ZBTB16: variants seen among roughly 807,000 people sequenced by gnomAD.
ZBTB16 encodes zinc finger and BTB domain-containing protein 16.
Under a neutral mutation model 56.8 loss-of-function variants are expected in ZBTB16, and 8 were observed. The ratio of observed to expected loss-of-function variants is 0.14; its 90% CI spans 0.08 to 0.25. The LOEUF is 0.25. ZBTB16 is among the 10% of genes least tolerant of loss of function. ZBTB16 has a pLI of 1.00. For missense variants in ZBTB16, 625 were observed against 903.0 expected (o/e 0.69, Z 3.95); for synonymous variants, 363 against 368.5 (o/e 0.98, Z 0.17).
intron 2 of ZBTB16, among the ~76,000 whole-genome samples, chr11:114,087,520 C>T (rs1044872267): frequency 3.9e-5 from 6 of 152,192 alleles, no homozygotes; most frequent in African/African-American, 1.4e-4. Flanking sequence ...CAGACTTTGG[C>T]ATCATCTGTG....
rs999795520 is a variant in ZBTB16, at chr11:114,252,020, G to T, written c.*1465G>T. 6.6e-6 allele frequency among the ~76,000 whole-genome samples: 1 copy of T among 152,086 alleles called. No homozygotes were observed. The highest frequency in any genetic ancestry group is 6.5e-5 in the Admixed American group (1 of 15,274). Reference sequence around the variant, plus strand: ...ACTTCAGCTGGTCAAGACCCTCCCCGTGCCCCTGGAGACCAGCCTCCCAGC... The same window carrying T: ...ACTTCAGCTGGTCAAGACCCTCCCCTTGCCCCTGGAGACCAGCCTCCCAGC... On this transcript the variant is annotated 3_prime_UTR_variant, in exon 7 of 7. Transcript: ENST00000335953.
chr11:114,136,019 G>GCGGTGTGGAATCT (rs1188766779), intron 2 of ZBTB16, among the ~76,000 whole-genome samples: 6 of 152,118 alleles, frequency 3.9e-5, no homozygotes, highest in African/African-American at 1.4e-4. Flanking sequence ...AGTTCCCTTT[G>GCGGTGTGGAATCT]CGGTGTGGAA....
At position 114,200,022 on chromosome 11, in the gene ZBTB16, G is replaced by A. The variant is rs185778010; in HGVS notation, c.1453+12984G>A. Reference sequence around the variant, plus strand: ...GGGCACCTGTAGTCCCAGCTACTTGGGAGGCTGAGGCAGGAGAATGGTGTG... The same window carrying A: ...GGGCACCTGTAGTCCCAGCTACTTGAGAGGCTGAGGCAGGAGAATGGTGTG... On this transcript the variant is annotated intron_variant, in intron 4 of 6. Coordinates refer to ENST00000335953, the MANE Select transcript of ZBTB16 (RefSeq NM_006006.6). 9.3e-3 allele frequency among the ~76,000 whole-genome samples: 1,417 copies of A among 152,028 alleles called. 14 individuals carry two copies. The highest frequency in any genetic ancestry group is 0.032 in the African/African-American group (1,341 of 41,444).
rs546177569 is a variant in ZBTB16 at position 114,113,071 on chromosome 11, A to G, written c.1269-43266A>G. 1.8e-4 allele frequency among the ~76,000 whole-genome samples: 27 copies of G among 152,224 alleles called. No individual in the cohort carries two copies. In the South Asian group the frequency reaches 2.1e-3, roughly 12 times the overall value. ...ATTACATGCATGAGCCGCTGCACCC[A>G]GCCCACACACTTCATTTTTATTCTC... On this transcript the variant is annotated intron_variant, in intron 2 of 6. Transcript: ENST00000335953.
chr11:114,187,183 C>T (rs1943380190), intron 4 of ZBTB16, 145 bp downstream of exon 4: 1 of 771,628 alleles, frequency 1.3e-6, no homozygotes, highest in Non-Finnish European at 2.2e-6. Context: ...GGGCTTCTGC[C>T]ACGTTCAGCT....
At chr11:114,099,511 T>A (rs1233882091) in intron 2 of ZBTB16, among the ~76,000 whole-genome samples, 1 of 152,006 alleles carries the variant, frequency 6.6e-6, no homozygotes, top group African/African-American at 2.4e-5. Flanking sequence ...CTGGGAAACA[T>A]GCATTTTAAT....
intron 4 of ZBTB16, among the ~76,000 whole-genome samples, chr11:114,221,307 C>A (rs1263332315): frequency 1.3e-5 from 2 of 152,162 alleles, no homozygotes; most frequent in Admixed American, 1.3e-4. Context: ...TCTGTACCAA[C>A]CGTGTGTGAC....
At chr11:114,235,486 A>G (rs1235042773) in intron 4 of ZBTB16, among the ~76,000 whole-genome samples, 1 of 152,208 alleles carries the variant, frequency 6.6e-6, no homozygotes, top group African/African-American at 2.4e-5. Context: ...AGGTGTAAAC[A>G]TGAGGGGTTT....
chr11:114,193,932 T>A (rs58570923), intron 4 of ZBTB16, among the ~76,000 whole-genome samples: 37,233 of 152,188 alleles, frequency 0.24, 4,782 homozygotes, highest in Middle Eastern at 0.33. Flanking sequence ...AGTAGAGAAC[T>A]GGAACTTGAC....
At chr11:114,146,084 G>A (rs73566920) in intron 2 of ZBTB16, among the ~76,000 whole-genome samples, 8,956 of 152,224 alleles carry the variant, frequency 0.059, 876 homozygotes, top group African/African-American at 0.2. Flanking sequence ...TCCAGCATAC[G>A]GTAGGCGCTT....
At chr11:114,244,313 G>A (rs1944772384) in intron 5 of ZBTB16, among the ~76,000 whole-genome samples, 1 of 150,704 alleles carries the variant, frequency 6.6e-6, no homozygotes, top group East Asian at 2.0e-4. Flanking sequence ...TGGGGAGGAC[G>A]ACAGACACTG....
intron 2 of ZBTB16, among the ~76,000 whole-genome samples, chr11:114,116,144 C>T (rs1465797101): frequency 1.3e-5 from 2 of 152,140 alleles, no homozygotes; most frequent in South Asian, 2.1e-4. Context: ...AATATGGGTA[C>T]ATGTGTTTAA....
In ZBTB16 at chr11:114,253,518, T is replaced by A. The variant is rs1234481069; in HGVS notation, c.*2963T>A. Among the ~76,000 whole-genome samples, 1 of 152,212 alleles carries A rather than the reference T, an allele frequency of 6.6e-6. No individual in the cohort carries two copies. The highest frequency in any genetic ancestry group is 1.5e-5 in the Non-Finnish European group (1 of 68,042). On this transcript the variant is annotated 3_prime_UTR_variant, in exon 7 of 7. Transcript: ENST00000335953. Reference sequence around the variant, plus strand: ...TGTGTTAAATCATGCAGTATTGTCGTAATCTGGTGTTGCAGCAATGGATGG... The same window carrying A: ...TGTGTTAAATCATGCAGTATTGTCGAAATCTGGTGTTGCAGCAATGGATGG...
intron 4 of ZBTB16, chr11:114,211,025 C>G (rs1943989085): frequency 5.9e-6 from 1 of 170,326 alleles, no homozygotes; most frequent in Non-Finnish European, 1.3e-5. Flanking sequence ...TCAAGCGATT[C>G]TCCTGCCTCA....
At chr11:114,114,682 CTTTT>C (rs761374297) in intron 2 of ZBTB16, among the ~76,000 whole-genome samples, 4 of 140,116 alleles carry the variant, frequency 2.9e-5, no homozygotes. Flanking sequence ...TATGTTTTTT[CTTTT>C]TTTTTTTTTT....
chr11:114,084,623 G>A (rs1477023751), intron 2 of ZBTB16, among the ~76,000 whole-genome samples: 1 of 152,130 alleles, frequency 6.6e-6, no homozygotes, highest in African/African-American at 2.4e-5. Context: ...GCAGGTGCCA[G>A]GGTCAGGCAG....
At chr11:114,220,405 A>C (rs984369641) in intron 4 of ZBTB16, among the ~76,000 whole-genome samples, 1 of 152,158 alleles carries the variant, frequency 6.6e-6, no homozygotes, top group African/African-American at 2.4e-5. Context: ...GAGTGTGTGT[A>C]AATATGTCAT....
At chr11:114,177,888 T>C (rs560534478) in intron 3 of ZBTB16, among the ~76,000 whole-genome samples, 1 of 152,350 alleles carries the variant, frequency 6.6e-6, no homozygotes, top group East Asian at 1.9e-4. Flanking sequence ...CCTGTATTTT[T>C]AAAAAATCTG....
At chr11:114,066,644 T>C (rs1392259081) in intron 2 of ZBTB16, among the ~76,000 whole-genome samples, 1 of 152,040 alleles carries the variant, frequency 6.6e-6, no homozygotes, top group Non-Finnish European at 1.5e-5. Context: ...CTCATTCCTC[T>C]GGGGAGAGAG....
Sources: allele counts gnomAD v4.1 joint callset (sites outside exome capture counted in the v4.1 genomes callset), GRCh38; gene constraint gnomAD v4.1.1; transcripts MANE v1.5; gene names NCBI Gene and HGNC (gene_info 2026-07-23, HGNC 2026-07-21).